Variants in GRID1 observed in about 807,000 individuals in gnomAD.
GRID1 encodes glutamate ionotropic receptor delta type subunit 1, also known as glutamate receptor ionotropic, delta-1.
Under a neutral mutation model 98.0 loss-of-function variants are expected in GRID1, and 28 were observed. The observed-to-expected ratio is 0.29, with a 90% CI of 0.21 to 0.39. The LOEUF (loss-of-function observed/expected upper bound fraction) is 0.39, where lower values mean the gene tolerates loss of function less well. Ranked by LOEUF, GRID1 falls within the 10% of genes least tolerant of loss-of-function variation. The probability of loss-of-function intolerance (pLI) is 1.00; values close to 1 mark genes in which losing one functional copy is unlikely to be tolerated. For missense variants in GRID1, 1,111 were observed against 1,340.5 expected, an observed-to-expected ratio of 0.83 and a Z score of 2.67; for synonymous variants, 553 against 538.5, an observed-to-expected ratio of 1.03 and a Z score of -0.37.
intron 8 of GRID1, among the ~76,000 whole-genome samples, chr10:85,808,186 A>G (rs947175230): frequency 2.6e-5 from 4 of 152,202 alleles, no homozygotes; most frequent in African/African-American, 9.6e-5. Context: ...AACAAGAAAA[A>G]CATGGCAGGA....
intron 8 of GRID1, among the ~76,000 whole-genome samples, chr10:85,809,874 G>GC (rs776871692): frequency 2.6e-5 from 4 of 152,112 alleles, no homozygotes; most frequent in Admixed American, 2.6e-4. Context: ...TGCCACTATA[G>GC]CCCCCCTGTA....
At chr10:85,829,844 A>G (rs1223665224) in intron 8 of GRID1, among the ~76,000 whole-genome samples, 1 of 152,214 alleles carries the variant, frequency 6.6e-6, no homozygotes, top group Non-Finnish European at 1.5e-5. Flanking sequence ...ATAGATAGGA[A>G]GAATCAATAT....
chr10:85,847,251 A>G (rs1204993646), intron 8 of GRID1, among the ~76,000 whole-genome samples: 2 of 152,216 alleles, frequency 1.3e-5, no homozygotes, highest in African/African-American at 4.8e-5. Context: ...TGCCATAGTC[A>G]TTCTGAAATT....
chr10:85,775,789 C>G (rs902265712), intron 8 of GRID1, among the ~76,000 whole-genome samples: 1 of 152,110 alleles, frequency 6.6e-6, no homozygotes, highest in African/African-American at 2.4e-5. Flanking sequence ...GTTTAAAGAA[C>G]TGTATATGAG....
chr10:86,031,676 T>C (rs796666751), intron 4 of GRID1, among the ~76,000 whole-genome samples: 2 of 152,124 alleles, frequency 1.3e-5, no homozygotes, highest in African/African-American at 4.8e-5. Flanking sequence ...GCTTCCACAG[T>C]GTTCTCAAAG....
At chr10:85,742,648 C>A (rs575609783) in intron 8 of GRID1, among the ~76,000 whole-genome samples, 2 of 152,178 alleles carry the variant, frequency 1.3e-5, no homozygotes, top group Non-Finnish European at 2.9e-5. Context: ...TGATCACATT[C>A]ATATTTCCCT....
intron 4 of GRID1, among the ~76,000 whole-genome samples, chr10:86,104,859 G>A (rs1349488158): frequency 6.6e-6 from 1 of 152,236 alleles, no homozygotes; most frequent in Non-Finnish European, 1.5e-5. Flanking sequence ...GGCCGATGAA[G>A]TGCCTAGGGT....
intron 12 of GRID1, 74 bp downstream of exon 12, chr10:85,722,929 G>T: frequency 2.9e-6 from 4 of 1,358,604 alleles, no homozygotes; most frequent in Non-Finnish European, 4.0e-6. Flanking sequence ...ATACCACACT[G>T]CCCTGGAAAG....
At chr10:85,823,272 AAT>A (rs59691376) in intron 8 of GRID1, among the ~76,000 whole-genome samples, 5,481 of 152,308 alleles carry the variant, frequency 0.036, 273 homozygotes, top group East Asian at 0.2. Flanking sequence ...AAGTCACTGA[AAT>A]ATACACTTGA....
At chr10:86,262,467 A>G (rs1847030644) in intron 2 of GRID1, among the ~76,000 whole-genome samples, 1 of 152,140 alleles carries the variant, frequency 6.6e-6, no homozygotes, top group Non-Finnish European at 1.5e-5. Flanking sequence ...GCCCAGCCGG[A>G]CAGCAGCCTC....
chr10:86,073,888 G>A (rs979676484), intron 4 of GRID1, among the ~76,000 whole-genome samples: 27 of 152,282 alleles, frequency 1.8e-4, no homozygotes, highest in Middle Eastern at 3.4e-3. Context: ...AGTCAGGACC[G>A]CAGCAGACAG....
intron 2 of GRID1, among the ~76,000 whole-genome samples, chr10:86,281,071 GAATGC>G (rs1847350573): frequency 6.6e-6 from 1 of 152,184 alleles, no homozygotes; most frequent in Non-Finnish European, 1.5e-5. Flanking sequence ...TACTGACTGA[GAATGC>G]AATAGGGAGG....
chr10:85,806,475 G>A (rs924725078), intron 8 of GRID1, among the ~76,000 whole-genome samples: 1 of 152,016 alleles, frequency 6.6e-6, no homozygotes, highest in South Asian at 2.1e-4. Context: ...ACAAATTAAA[G>A]CATACGTCCC....
At chr10:85,790,679 C>T (rs541269036) in intron 8 of GRID1, among the ~76,000 whole-genome samples, 51 of 152,136 alleles carry the variant, frequency 3.4e-4, no homozygotes, top group Non-Finnish European at 6.2e-4. Flanking sequence ...TTGGTCCCCT[C>T]GCCTTCTGTC....
At chr10:85,709,085 C>T (rs1841554907) in intron 12 of GRID1, 2 of 335,388 alleles carry the variant, frequency 6.0e-6, no homozygotes, top group Admixed American at 3.5e-5. Flanking sequence ...ATTGAAAACC[C>T]CTGTTAAGGG....
chr10:86,055,207 C>T (rs1843556237), intron 4 of GRID1, among the ~76,000 whole-genome samples: 1 of 152,214 alleles, frequency 6.6e-6, no homozygotes, highest in Admixed American at 6.5e-5. Context: ...TTGCCTAAAA[C>T]TGCAAGTTTG....
At chr10:86,248,860 T>C (rs1023308435) in intron 2 of GRID1, among the ~76,000 whole-genome samples, 1 of 152,166 alleles carries the variant, frequency 6.6e-6, no homozygotes, top group African/African-American at 2.4e-5. Flanking sequence ...GTGCCCAGCC[T>C]GGGCATGACG....
At chr10:86,233,057 G>A (rs1846481071) in intron 2 of GRID1, among the ~76,000 whole-genome samples, 2 of 152,190 alleles carry the variant, frequency 1.3e-5, no homozygotes, top group South Asian at 2.1e-4. Context: ...ACCAAAGAGA[G>A]TACTTCAGCC....
chr10:85,748,904 C>G (rs1842022041), intron 8 of GRID1, among the ~76,000 whole-genome samples: 1 of 152,130 alleles, frequency 6.6e-6, no homozygotes, highest in Non-Finnish European at 1.5e-5. Context: ...GTTACAAACA[C>G]CTTTATCTAC....
Sources: gnomAD v4.1 joint callset for allele counts (sites outside exome capture counted in the v4.1 genomes callset) on GRCh38, gnomAD v4.1.1 for gene constraint, MANE v1.5 for transcripts, NCBI Gene and HGNC (gene_info 2026-07-23, HGNC 2026-07-21) for gene names.